Variants in CWC27 observed in about 807,000 individuals in gnomAD.
CWC27 encodes CWC27 spliceosome associated cyclophilin, also known as spliceosome-associated protein CWC27 homolog.
A neutral mutation model predicts 63.6 loss-of-function variants in CWC27; 47 were observed. That is an observed-to-expected ratio of 0.74 (90% confidence interval 0.58 to 0.94). The LOEUF (loss-of-function observed/expected upper bound fraction) is 0.94. Ranked by LOEUF, CWC27 falls within the 40% of genes least tolerant of loss-of-function variation. The pLI, the probability that CWC27 is intolerant of heterozygous loss-of-function variation, is 0.00. For synonymous variants in CWC27, 175 were observed against 179.8 expected, an observed-to-expected ratio of 0.97 and a Z score of 0.22; for missense variants, 495 against 554.3, an observed-to-expected ratio of 0.89 and a Z score of 1.07.
At chr5:64,888,949 C>T (rs2112348470) in intron 11 of CWC27, among the ~76,000 whole-genome samples, 1 of 152,120 alleles carries the variant, frequency 6.6e-6, no homozygotes, top group East Asian at 1.9e-4. Flanking sequence ...AACAATAAGA[C>T]AGAAGACATT....
chr5:64,919,417 G>C (rs543554884), intron 11 of CWC27, among the ~76,000 whole-genome samples: 1 of 152,016 alleles, frequency 6.6e-6, no homozygotes, highest in Non-Finnish European at 1.5e-5. Flanking sequence ...GGGTAAATTG[G>C]GTGTCATTGA....
At chr5:64,924,047 G>A (rs1222929180) in intron 11 of CWC27, among the ~76,000 whole-genome samples, 2 of 151,996 alleles carry the variant, frequency 1.3e-5, no homozygotes, top group Non-Finnish European at 2.9e-5. Context: ...TGCTCTAACT[G>A]CATCACTCAC....
At chr5:64,945,280 T>C (rs1051752920) in intron 11 of CWC27, among the ~76,000 whole-genome samples, 1 of 152,212 alleles carries the variant, frequency 6.6e-6, no homozygotes, top group African/African-American at 2.4e-5. Flanking sequence ...ATTTGTTGTT[T>C]GTTTTCTGCC....
intron 10 of CWC27, among the ~76,000 whole-genome samples, chr5:64,828,419 T>C (rs1486511894): frequency 6.6e-6 from 1 of 151,932 alleles, no homozygotes; most frequent in Non-Finnish European, 1.5e-5. Context: ...GGCTGGCTTA[T>C]AAATAACTGA....
chr5:64,935,455 G>T (rs1480213928), intron 11 of CWC27, among the ~76,000 whole-genome samples: 5 of 152,114 alleles, frequency 3.3e-5, no homozygotes, highest in South Asian at 2.1e-4. Flanking sequence ...CTATTCCATT[G>T]GTCTGTATGT....
chr5:64,882,479 A>G (rs1422549408), intron 10 of CWC27, among the ~76,000 whole-genome samples: 1 of 152,260 alleles, frequency 6.6e-6, no homozygotes, highest in Non-Finnish European at 1.5e-5. Context: ...AAGACTTAGT[A>G]CAAAAGAGAG....
At chr5:64,903,595 T>C (rs1747556225) in intron 11 of CWC27, among the ~76,000 whole-genome samples, 1 of 151,994 alleles carries the variant, frequency 6.6e-6, no homozygotes, top group African/African-American at 2.4e-5. Context: ...AAAACCTAGA[T>C]GATGTATTGA....
intron 13 of CWC27, among the ~76,000 whole-genome samples, chr5:64,988,546 T>C (rs956933635): frequency 6.6e-6 from 1 of 152,084 alleles, no homozygotes; most frequent in Non-Finnish European, 1.5e-5. Flanking sequence ...TTGCTATTTG[T>C]ATCTGTCCCA....
intron 11 of CWC27, among the ~76,000 whole-genome samples, chr5:64,892,407 A>G (rs1747260093): frequency 6.6e-6 from 1 of 152,146 alleles, no homozygotes; most frequent in South Asian, 2.1e-4. Context: ...AGTAACATTT[A>G]TTCTTTGCAA....
At chr5:64,951,323 A>T (rs575836212) in intron 11 of CWC27, among the ~76,000 whole-genome samples, 2 of 152,016 alleles carry the variant, frequency 1.3e-5, no homozygotes, top group African/African-American at 4.8e-5. Flanking sequence ...CTAATGATCA[A>T]TGATGTTGAA....
At chr5:64,901,580 T>C (rs754894339) in intron 11 of CWC27, among the ~76,000 whole-genome samples, 16 of 152,266 alleles carry the variant, frequency 1.1e-4, no homozygotes, top group Admixed American at 2.0e-4. Context: ...GGTGAGTTAA[T>C]ATGAAGGCCT....
At chr5:65,006,172 G>A (rs1279465567) in intron 13 of CWC27, among the ~76,000 whole-genome samples, 1 of 152,164 alleles carries the variant, frequency 6.6e-6, no homozygotes, top group Non-Finnish European at 1.5e-5. Context: ...TTCAATAGCT[G>A]CAAAAGTACC....
intron 11 of CWC27, among the ~76,000 whole-genome samples, chr5:64,909,933 C>T (rs1253951494): frequency 6.6e-6 from 1 of 152,184 alleles, no homozygotes; most frequent in Non-Finnish European, 1.5e-5. Flanking sequence ...CTTCTGTCAG[C>T]TCATCAAAAT....
At chr5:64,842,369 T>C (rs1745868210) in intron 10 of CWC27, among the ~76,000 whole-genome samples, 2 of 152,034 alleles carry the variant, frequency 1.3e-5, no homozygotes, top group South Asian at 4.2e-4. Flanking sequence ...AGTGGCGTGG[T>C]CTCAGCTCAC....
intron 10 of CWC27, among the ~76,000 whole-genome samples, chr5:64,870,355 G>A (rs1409568493): frequency 6.6e-6 from 1 of 151,886 alleles, no homozygotes; most frequent in Non-Finnish European, 1.5e-5. Context: ...AATCTGTGTT[G>A]CATAAGCATT....
chr5:64,822,936 C>T (rs537827592), intron 10 of CWC27, among the ~76,000 whole-genome samples: 24 of 152,194 alleles, frequency 1.6e-4, no homozygotes, highest in Middle Eastern at 3.4e-3. Flanking sequence ...TTACATAGCA[C>T]GATTAAAACA....
chr5:64,809,436 C>T (rs1288885470), intron 10 of CWC27, among the ~76,000 whole-genome samples: 1 of 152,184 alleles, frequency 6.6e-6, no homozygotes, highest in African/African-American at 2.4e-5. Flanking sequence ...GGCACAACCT[C>T]AGCTCACTGC....
intron 11 of CWC27, among the ~76,000 whole-genome samples, chr5:64,896,014 G>A (rs1438840450): frequency 6.6e-6 from 1 of 152,056 alleles, no homozygotes; most frequent in Non-Finnish European, 1.5e-5. Context: ...TGAAAAGATC[G>A]ATTTTACAGA....
intron 13 of CWC27, among the ~76,000 whole-genome samples, chr5:64,981,899 TA>T (rs1350238131): frequency 6.6e-6 from 1 of 152,264 alleles, no homozygotes; most frequent in East Asian, 1.9e-4. Flanking sequence ...CCTTCTACGA[TA>T]ACCCTATGGG....
Sources: gnomAD v4.1 joint callset for allele counts (sites outside exome capture counted in the v4.1 genomes callset) on GRCh38, gnomAD v4.1.1 for gene constraint, MANE v1.5 for transcripts, NCBI Gene and HGNC (gene_info 2026-07-23, HGNC 2026-07-21) for gene names.